The following TNFSF12 variants were observed in gnomAD, a reference collection of about 807,000 sequenced individuals.
TNFSF12 encodes TNF superfamily member 12, also known as tumor necrosis factor ligand superfamily member 12.
Under a neutral mutation model 31.2 loss-of-function variants are expected in TNFSF12, and 16 were observed. The observed-to-expected ratio is 0.51, with a 90% CI of 0.35 to 0.78. The LOEUF is 0.78. Ranked by LOEUF, TNFSF12 falls within the 30% of genes least tolerant of loss-of-function variation. The pLI, the probability that TNFSF12 is intolerant of heterozygous loss-of-function variation, is 0.01. For synonymous variants in TNFSF12, 150 were observed against 151.4 expected, an observed-to-expected ratio of 0.99 and a Z score of 0.07; for missense variants, 324 against 338.8, an observed-to-expected ratio of 0.96 and a Z score of 0.34.
chr17:7,551,703 T>C (rs2071003124), intron 5 of TNFSF12, among the ~76,000 whole-genome samples: 1 of 152,176 alleles, frequency 6.6e-6, no homozygotes, highest in Non-Finnish European at 1.5e-5. Flanking sequence ...GAGAAGTGGA[T>C]GGGTTCAGCC....
chr17:7,550,014 C>T lies in TNFSF12; in HGVS notation c.208-106C>T. 6.3e-7 allele frequency: 1 copy of T among 1,577,542 alleles called. No individual in the cohort carries two copies. Among genetic ancestry groups the T allele is most frequent in the East Asian group, 2.2e-5 (1 of 44,562 alleles). ...GTTGGCTGAGGGGCTTAATCTGTCC[C>T]TGACTTCTGTGTCTATTGCTGGCTG... On this transcript the variant is annotated intron_variant, in intron 2 of 6. Transcript: ENST00000293825. The surrounding 1 kb of genome is among the most constrained non-coding windows in gnomAD (Gnocchi z 4.4).
At chr17:7,552,607 G>A (rs1166389583) in intron 5 of TNFSF12, among the ~76,000 whole-genome samples, 1 of 152,134 alleles carries the variant, frequency 6.6e-6, no homozygotes, top group Non-Finnish European at 1.5e-5. Flanking sequence ...GGGATTACAG[G>A]TGTGAGCCCT....
chr17:7,557,351 G>A lies in TNFSF12; in HGVS notation c.*1G>A. The A allele has an allele frequency of 6.3e-7, 1 of 1,589,768 alleles. No homozygotes were observed. The highest frequency in any genetic ancestry group is 8.6e-7 in the Non-Finnish European group (1 of 1,164,606). ...CTTCGGACTCTTCCAGGTTCACTGAGGGGCCCTGGTCTCCCCGCAGTCGTC... is the reference window on the plus strand; with the variant it reads ...CTTCGGACTCTTCCAGGTTCACTGAAGGGCCCTGGTCTCCCCGCAGTCGTC... On this transcript the variant is annotated 3_prime_UTR_variant, in exon 7 of 7. Coordinates refer to ENST00000293825, the MANE Select transcript of TNFSF12 (RefSeq NM_003809.3). This position sits in a 1 kb window ranked among gnomAD's most constrained non-coding sequence, Gnocchi z 5.2.
chr17:7,549,106 G>A lies in TNFSF12; in HGVS notation c.-48G>A. The A allele has an allele frequency of 8.1e-7, 1 of 1,229,174 alleles. No individual in the cohort carries two copies. The highest frequency in any genetic ancestry group is 1.0e-6 in the Non-Finnish European group (1 of 985,970). 76.1% of individuals were successfully genotyped at this position (1,229,174 alleles called of 1,614,324 possible). On this transcript the variant is annotated 5_prime_UTR_variant, in exon 1 of 7. Coordinates refer to ENST00000293825, the MANE Select transcript of TNFSF12 (RefSeq NM_003809.3). This position sits in a 1 kb window ranked among gnomAD's most constrained non-coding sequence, Gnocchi z 4.1. ...CCGGCTCCCCCTCCCCCGATCCCTC[G>A]GGTCCCGGGATGGGGGGGCGGTGAG... is the stretch of plus-strand genomic sequence containing the variant.
intron 5 of TNFSF12, among the ~76,000 whole-genome samples, chr17:7,552,454 A>G (rs1488448371): frequency 2.0e-5 from 3 of 151,844 alleles, no homozygotes; most frequent in Non-Finnish European, 4.4e-5. Flanking sequence ...CAGCCTCCCA[A>G]GTAGCTGAGA....
intron 5 of TNFSF12, among the ~76,000 whole-genome samples, chr17:7,556,058 G>A (rs530155766): frequency 7.0e-6 from 1 of 142,890 alleles, no homozygotes; most frequent in Admixed American, 7.5e-5. Flanking sequence ...TTGGTTCACT[G>A]CAACCTCCCC....
intron 5 of TNFSF12, among the ~76,000 whole-genome samples, chr17:7,554,376 C>T (rs11871455): frequency 0.32 from 46,284 of 143,802 alleles, 7,967 homozygotes; most frequent in Middle Eastern, 0.58. Context: ...TGTAGTGGCG[C>T]GATCTCGGCT....
intron 5 of TNFSF12, among the ~76,000 whole-genome samples, chr17:7,554,831 A>G (rs1337533711): frequency 2.0e-5 from 3 of 149,814 alleles, no homozygotes; most frequent in African/African-American, 7.4e-5. Context: ...GTTAGCCAGG[A>G]GCGTCTCGAT....
At position 7,557,421 on chromosome 17, in the gene TNFSF12, C is replaced by T. The variant is rs1033271582; in HGVS notation, c.*71C>T. On this transcript the variant is annotated 3_prime_UTR_variant, in exon 7 of 7. Coordinates refer to ENST00000293825, the MANE Select transcript of TNFSF12 (RefSeq NM_003809.3). The surrounding 1 kb of genome is among the most constrained non-coding windows in gnomAD (Gnocchi z 5.2). ...CGACAGCTCTCTGGGCACCCGGTCC[C>T]CTCTGCCCCACCCTCAGCCGCTCTT... The T allele has an allele frequency of 3.3e-6, 5 of 1,513,490 alleles. No homozygotes were observed. In the East Asian group the frequency reaches 1.1e-4, roughly 35 times the overall value. The allele number at this position is 1,513,490 out of a possible 1,614,324, so 93.8% of individuals were successfully genotyped here.
rs1231000591 is a variant in TNFSF12 at position 7,549,444 on chromosome 17, C to T, written c.160-30C>T. On this transcript the variant is annotated intron_variant, in intron 1 of 6. Transcript: ENST00000293825. This position sits in a 1 kb window ranked among gnomAD's most constrained non-coding sequence, Gnocchi z 4.1. ...GAGGGTGAGATGTCAGGTGGAGCGG[C>T]ACAGGGTGACGCTCCCTCCTTCCCA... 7.4e-6 allele frequency: 11 copies of T among 1,486,826 alleles called. No homozygotes were observed. Among genetic ancestry groups the T allele is most frequent in the African/African-American group, 5.6e-5 (4 of 71,558 alleles). The allele number at this position is 1,486,826 out of a possible 1,614,324, so 92.1% of individuals were successfully genotyped here.
At chr17:7,553,779 C>G in intron 5 of TNFSF12, 1 of 1,198,010 alleles carries the variant, frequency 8.3e-7, no homozygotes, top group Non-Finnish European at 1.1e-6. Context: ...GAAGAGAGGA[C>G]ACATCTCCCA....
At position 7,557,199 on chromosome 17, in the gene TNFSF12, C is replaced by G. The variant is rs764826042; in HGVS notation, c.599C>G (p.Ala200Gly). 1 of 1,612,088 alleles carries G rather than the reference C, an allele frequency of 6.2e-7. No homozygotes were observed. The highest frequency in any genetic ancestry group is 8.5e-7 in the Non-Finnish European group (1 of 1,178,636). Reference sequence around the variant, plus strand: ...CTGGAGGAATTCTCAGCCACTGCGGCGAGTTCCCTCGGGCCCCAGCTCCGC... The same window carrying G: ...CTGGAGGAATTCTCAGCCACTGCGGGGAGTTCCCTCGGGCCCCAGCTCCGC... ...RCLEEFSATAASSLGPQLRLC... is the reference protein window; with the variant it reads ...RCLEEFSATAGSSLGPQLRLC... Residue 200 changes from alanine (A) to glycine (G), a missense_variant, in exon 7 of 7, where the codon GCG becomes GGG. Coordinates refer to ENST00000293825, the MANE Select transcript of TNFSF12 (RefSeq NM_003809.3). The surrounding 1 kb of genome is among the most constrained non-coding windows in gnomAD (Gnocchi z 5.2).
At position 7,556,932 on chromosome 17, in the gene TNFSF12, C is replaced by T; in HGVS notation, c.498+30C>T. On this transcript the variant is annotated intron_variant, in intron 6 of 6. Transcript: ENST00000293825. The stretch of plus-strand genomic sequence containing the variant: ...GCCCCATCTGGCTGCATGGGTAACG[C>T]AGTAAGAGAGTGGCGAAGGGTTTGC... The T allele has an allele frequency of 2.6e-6, 4 of 1,526,686 alleles. No homozygotes were observed. The South Asian group carries it at 5.1e-5, about 20-fold the overall frequency. 94.6% of individuals were successfully genotyped at this position (1,526,686 alleles called of 1,614,324 possible).
At position 7,553,026 on chromosome 17, in the gene TNFSF12, T is replaced by TC. The variant is rs1567721068; in HGVS notation, c.373+2048_373+2049insC. ...AGGAACTGGAGGCAGGGACAACCTTTTTTTTTTTTTTTTTTTTTTTTTTTT... is the reference window on the plus strand; with the variant it reads ...AGGAACTGGAGGCAGGGACAACCTTTCTTTTTTTTTTTTTTTTTTTTTTTTT... On this transcript the variant is annotated intron_variant, in intron 5 of 6. Transcript: ENST00000293825. Among the ~76,000 whole-genome samples the TC allele has an allele frequency of 9.2e-3, 74 of 8,054 alleles. 1 individual carries two copies. The highest frequency in any genetic ancestry group is 0.026 in the Non-Finnish European group (49 of 1,912). 5.3% of individuals were successfully genotyped at this position (8,054 alleles called of 152,430 possible).
At chr17:7,555,157 T>C (rs1044079533) in intron 5 of TNFSF12, among the ~76,000 whole-genome samples, 4 of 142,318 alleles carry the variant, frequency 2.8e-5, no homozygotes, top group African/African-American at 1.0e-4. Context: ...CAAAAAAAAA[T>C]TTGTAATTAC....
In TNFSF12 at chr17:7,550,268, C is replaced by G; in HGVS notation, c.283+73C>G. On this transcript the variant is annotated intron_variant, in intron 3 of 6. Coordinates refer to ENST00000293825, the MANE Select transcript of TNFSF12 (RefSeq NM_003809.3). The surrounding 1 kb of genome is among the most constrained non-coding windows in gnomAD (Gnocchi z 4.4). ...CATTATCCACAGGGAGAAACTGAGG[C>G]ACGGAGGGTGAAAGGAGTTCAGAGT... 4 of 1,607,450 alleles carry G rather than the reference C, an allele frequency of 2.5e-6. No homozygotes were observed. Among genetic ancestry groups the G allele is most frequent in the Non-Finnish European group, 2.6e-6 (3 of 1,175,632 alleles).
chr17:7,554,656 G>C (rs1326500934), intron 5 of TNFSF12, among the ~76,000 whole-genome samples: 1 of 144,350 alleles, frequency 6.9e-6, no homozygotes, highest in Non-Finnish European at 1.5e-5. Context: ...TTTTGCTCTT[G>C]TTGCCCCAGC....
rs747019973 is a variant in TNFSF12 at position 7,549,508 on chromosome 17, A to C, written c.194A>C (p.Asp65Ala). Residue 65 changes from aspartate (D) to alanine (A), a missense_variant, in exon 2 of 7, where the codon GAC becomes GCC. By Grantham distance (126) the Asp-to-Ala change is moderately radical. Coordinates refer to ENST00000293825, the MANE Select transcript of TNFSF12 (RefSeq NM_003809.3). The surrounding 1 kb of genome is among the most constrained non-coding windows in gnomAD (Gnocchi z 4.1). ...CAGGAGGAGCTGGTGGCAGAGGAGGACCAGGACCCGTCGGTGAGTGGGCGT... is the reference window on the plus strand; with the variant it reads ...CAGGAGGAGCTGGTGGCAGAGGAGGCCCAGGACCCGTCGGTGAGTGGGCGT... The part of the protein sequence containing the change: ...PAQEELVAEE[D>A]QDPSELNPQT... 13 of 1,552,860 alleles carry C rather than the reference A, an allele frequency of 8.4e-6. No individual in the cohort carries two copies. The highest frequency in any genetic ancestry group is 1.9e-5 in the Admixed American group (1 of 51,860).
At chr17:7,555,531 G>A (rs960695051) in intron 5 of TNFSF12, among the ~76,000 whole-genome samples, 14 of 152,204 alleles carry the variant, frequency 9.2e-5, no homozygotes, top group Admixed American at 4.6e-4. Flanking sequence ...GGAGGAAGGC[G>A]AGGCGAGGCG....
Sources: allele counts gnomAD v4.1 joint callset (sites outside exome capture counted in the v4.1 genomes callset), GRCh38; gene constraint gnomAD v4.1.1; non-coding constraint Gnocchi (gnomAD v3.1); transcripts MANE v1.5; gene names NCBI Gene and HGNC (gene_info 2026-07-23, HGNC 2026-07-21).